Variants in CDH13 observed in about 807,000 individuals in gnomAD.
CDH13 encodes cadherin-13.
In CDH13, 24 loss-of-function variants were observed where a neutral mutation model predicts 63.8. The ratio of observed to expected loss-of-function variants is 0.38; its 90% CI spans 0.27 to 0.53. CDH13 has a LOEUF of 0.53. CDH13 is among the 20% of genes least tolerant of loss of function. The probability of loss-of-function intolerance (pLI) is 0.85; values close to 1 mark genes in which losing one functional copy is unlikely to be tolerated. For missense variants in CDH13, 1,049 were observed against 903.1 expected, an observed-to-expected ratio of 1.16 and a Z score of -2.07; for synonymous variants, 503 against 355.3, an observed-to-expected ratio of 1.42 and a Z score of -4.67.
intron 1 of CDH13, among the ~76,000 whole-genome samples, chr16:82,836,748 C>G (rs1302789257): frequency 1.3e-5 from 2 of 152,186 alleles, no homozygotes; most frequent in Admixed American, 6.5e-5. Flanking sequence ...TAGAAAGGCT[C>G]TACCCCAACT....
intron 6 of CDH13, among the ~76,000 whole-genome samples, chr16:83,464,378 G>A (rs73601975): frequency 0.013 from 2,030 of 152,198 alleles, 39 homozygotes; most frequent in African/African-American, 0.047. Flanking sequence ...CGGGCGTGAT[G>A]GCACATCCCT....
chr16:83,410,137 T>G (rs530208664), intron 6 of CDH13, among the ~76,000 whole-genome samples: 122 of 152,280 alleles, frequency 8.0e-4, no homozygotes, highest in African/African-American at 2.9e-3. Context: ...ATAGCCCATG[T>G]AGAGCGCATG....
intron 1 of CDH13, among the ~76,000 whole-genome samples, chr16:82,739,377 C>T (rs2033831190): frequency 6.6e-6 from 1 of 152,282 alleles, no homozygotes; most frequent in African/African-American, 2.4e-5. Context: ...CATTTAAATT[C>T]AAATTTAGAA....
At chr16:83,745,507 G>A (rs1432644794) in intron 10 of CDH13, among the ~76,000 whole-genome samples, 1 of 152,174 alleles carries the variant, frequency 6.6e-6, no homozygotes, top group African/African-American at 2.4e-5. Flanking sequence ...CACTCGGAGG[G>A]GCTCTGGATG....
intron 1 of CDH13, among the ~76,000 whole-genome samples, chr16:82,786,059 A>G (rs1169661708): frequency 1.3e-5 from 2 of 152,240 alleles, no homozygotes; most frequent in African/African-American, 4.8e-5. Flanking sequence ...GAGTCAAGGC[A>G]GAGCAGGTAG....
intron 7 of CDH13, among the ~76,000 whole-genome samples, chr16:83,589,277 TTC>T (rs1906492069): frequency 9.8e-5 from 3 of 30,724 alleles, no homozygotes; most frequent in Admixed American, 2.4e-4. Context: ...CTTTCTCCCT[TTC>T]CCCCCCCCGG....
intron 5 of CDH13, among the ~76,000 whole-genome samples, chr16:83,220,544 G>A (rs996078934): frequency 1.3e-5 from 2 of 151,270 alleles, no homozygotes; most frequent in Non-Finnish European, 2.9e-5. Flanking sequence ...CATGGCTCAT[G>A]TATACATATG....
At chr16:83,397,174 C>T (rs886341333) in intron 6 of CDH13, among the ~76,000 whole-genome samples, 1 of 152,172 alleles carries the variant, frequency 6.6e-6, no homozygotes, top group African/African-American at 2.4e-5. Context: ...ACCTCTCTCA[C>T]CAAGTTGTGT....
In CDH13 at chr16:83,409,016, G is replaced by A. The variant is rs1349009975; in HGVS notation, c.781+64010G>A. On this transcript the variant is annotated intron_variant, in intron 6 of 13. Coordinates refer to ENST00000567109, the MANE Select transcript of CDH13 (RefSeq NM_001257.5). The stretch of plus-strand genomic sequence containing the variant: ...CTGAATCAGAGTGAGTGAGTGGGTG[G>A]TTTATTGTTGGTTTCCACAGATGCT... 3.3e-5 allele frequency among the ~76,000 whole-genome samples: 5 copies of A among 152,092 alleles called. No homozygotes were observed. The East Asian group carries it at 9.7e-4, about 29-fold the overall frequency.
intron 2 of CDH13, among the ~76,000 whole-genome samples, chr16:83,019,207 T>A (rs573924953): frequency 2.0e-5 from 3 of 152,318 alleles, no homozygotes; most frequent in Admixed American, 6.5e-5. Context: ...TAGAAAATAT[T>A]TTCTTTATAT....
chr16:83,251,895 C>G (rs2151825864), intron 5 of CDH13, among the ~76,000 whole-genome samples: 1 of 152,018 alleles, frequency 6.6e-6, no homozygotes, highest in Non-Finnish European at 1.5e-5. Flanking sequence ...CTTCCCCTCA[C>G]CAAGCTGAGC....
intron 1 of CDH13, among the ~76,000 whole-genome samples, chr16:82,703,494 T>C (rs1870848): frequency 0.99 from 151,127 of 152,254 alleles, 75,008 homozygotes; most frequent in Middle Eastern, 1. Context: ...GAGATGTATT[T>C]GACACCATTT....
chr16:82,630,377 C>A (rs531443192), intron 1 of CDH13, among the ~76,000 whole-genome samples: 1 of 152,280 alleles, frequency 6.6e-6, no homozygotes, highest in Non-Finnish European at 1.5e-5. Flanking sequence ...AACTGCAAAG[C>A]TGAGTATGTA....
chr16:83,069,843 A>G (rs920811995), intron 3 of CDH13, among the ~76,000 whole-genome samples: 15 of 152,172 alleles, frequency 9.9e-5, no homozygotes, highest in East Asian at 9.6e-4. Flanking sequence ...GCAGCAAGCA[A>G]TTGTCTTTTA....
intron 5 of CDH13, among the ~76,000 whole-genome samples, chr16:83,344,510 C>T (rs1417834604): frequency 6.6e-6 from 1 of 152,216 alleles, no homozygotes; most frequent in Admixed American, 6.5e-5. Context: ...ATTAGCATAA[C>T]ATTCCTTTTA....
intron 2 of CDH13, among the ~76,000 whole-genome samples, chr16:83,019,709 T>G (rs1031326217): frequency 2.6e-5 from 4 of 151,478 alleles, no homozygotes; most frequent in Non-Finnish European, 4.4e-5. Context: ...TTGCCCAGTA[T>G]GGTCTCAAAC....
intron 8 of CDH13, among the ~76,000 whole-genome samples, chr16:83,661,191 A>G (rs28583495): frequency 0.13 from 20,321 of 152,162 alleles, 1,570 homozygotes; most frequent in East Asian, 0.27. Flanking sequence ...CTCCTGTACC[A>G]TCTCAAACAT....
chr16:83,685,839 G>A (rs1432418333), intron 10 of CDH13, among the ~76,000 whole-genome samples: 1 of 152,204 alleles, frequency 6.6e-6, no homozygotes, highest in East Asian at 1.9e-4. Flanking sequence ...CCTGTGCACA[G>A]GCCTCTGCCT....
chr16:83,493,691 G>T (rs2074072137), intron 7 of CDH13, among the ~76,000 whole-genome samples: 1 of 152,174 alleles, frequency 6.6e-6, no homozygotes, highest in African/African-American at 2.4e-5. Flanking sequence ...GATTGCAAAA[G>T]GCTTCTAATG....
Sources: gnomAD v4.1 joint callset for allele counts (sites outside exome capture counted in the v4.1 genomes callset) on GRCh38, gnomAD v4.1.1 for gene constraint, MANE v1.5 for transcripts, NCBI Gene and HGNC (gene_info 2026-07-23, HGNC 2026-07-21) for gene names.